MRPS11: variants seen among roughly 807,000 people sequenced by gnomAD.
The protein encoded by MRPS11 is small ribosomal subunit protein uS11m.
A neutral mutation model predicts 24.3 loss-of-function variants in MRPS11; 27 were observed. That is an observed-to-expected ratio of 1.11 (90% CI 0.82 to 1.53). The LOEUF is 1.53. MRPS11 is among the 40% of genes most tolerant of loss of function. The probability of loss-of-function intolerance (pLI) is 0.00; values close to 1 mark genes in which losing one functional copy is unlikely to be tolerated. For synonymous variants in MRPS11, 104 were observed against 98.7 expected (o/e 1.05, Z -0.32); for missense variants, 277 against 256.5 (o/e 1.08, Z -0.55).
rs368764097 is a variant in MRPS11, at chr15:88,475,259, G to C, written c.411+20G>C. ...GCGGCGGTAAGTGTGTGTTCCTTCT[G>C]CTTCCTTCTAGTGTGTGTTTGCTTT... On this transcript the variant is annotated intron_variant, in intron 4 of 5. Coordinates refer to ENST00000325844, the MANE Select transcript of MRPS11 (RefSeq NM_022839.5). This position sits in a 1 kb window ranked among gnomAD's most constrained non-coding sequence, Gnocchi z 4.1. The C allele has an allele frequency of 1.9e-6, 3 of 1,613,772 alleles. No individual in the cohort carries two copies. The highest frequency in any genetic ancestry group is 2.5e-6 in the Non-Finnish European group (3 of 1,179,978).
chr15:88,467,946 C>G lies in MRPS11; in HGVS notation c.104C>G (p.Thr35Arg), dbSNP rs774031538. 1.1e-5 allele frequency: 18 copies of G among 1,613,372 alleles called. No homozygotes were observed. The highest frequency in any genetic ancestry group is 1.4e-5 in the Non-Finnish European group (16 of 1,179,978). ...VARTPAGTIC[T>R]GARQLQDAAA... The stretch of plus-strand genomic sequence containing the variant: ...AGAACGCCGGCCGGGACCATCTGCA[C>G]AGGCGCTCGACAGCTCCAAGACGCT... Residue 35 changes from threonine to arginine, a missense_variant, in exon 2 of 6, where the codon ACA becomes AGA. By Grantham distance (71) the Thr-to-Arg change is moderately conservative. Coordinates refer to ENST00000325844, the MANE Select transcript of MRPS11 (RefSeq NM_022839.5).
rs367589996 is a variant in MRPS11, at chr15:88,477,062, A to G, written c.477+8A>G. 31 of 1,613,536 alleles carry G rather than the reference A, an allele frequency of 1.9e-5. No individual in the cohort carries two copies. The highest frequency in any genetic ancestry group is 2.5e-5 in the Non-Finnish European group (30 of 1,179,824). On this transcript the variant is annotated splice_region_variant and intron_variant, in intron 5 of 5. Coordinates refer to ENST00000325844, the MANE Select transcript of MRPS11 (RefSeq NM_022839.5). This position sits in a 1 kb window ranked among gnomAD's most constrained non-coding sequence, Gnocchi z 5.7. Reference sequence around the variant, plus strand: ...CTGGGGCCAGGACGCTTGGTAAGTTACAGTGATTTCCATAGTGTACTTGCC... The same window carrying G: ...CTGGGGCCAGGACGCTTGGTAAGTTGCAGTGATTTCCATAGTGTACTTGCC...
At chr15:88,470,099 C>T (rs992866377) in intron 2 of MRPS11, among the ~76,000 whole-genome samples, 1 of 152,102 alleles carries the variant, frequency 6.6e-6, no homozygotes, top group Non-Finnish European at 1.5e-5. Flanking sequence ...GGCGGATCAC[C>T]GGGTCAGGCA....
rs1236386798 is a variant in MRPS11, at chr15:88,480,513, A to C, written c.*2534A>C. 6.6e-6 allele frequency: 1 copy of C among 152,158 alleles called. No homozygotes were observed. Among genetic ancestry groups the C allele is most frequent in the Non-Finnish European group, 1.5e-5 (1 of 68,036 alleles). The allele number at this position is 152,158 out of a possible 1,614,324, so 9.4% of individuals were successfully genotyped here. ...GCCTGATCCACACACCATAGTTTTT[A>C]AAATGTTATTTTACTCACAAGAGGG... On this transcript the variant is annotated 3_prime_UTR_variant, in exon 6 of 6. Coordinates refer to ENST00000325844, the MANE Select transcript of MRPS11 (RefSeq NM_022839.5). The surrounding 1 kb of genome is among the most constrained non-coding windows in gnomAD (Gnocchi z 5.1).
At position 88,474,883 on chromosome 15, in the gene MRPS11, C is replaced by T. The variant is rs539006637; in HGVS notation, c.282-227C>T. On this transcript the variant is annotated intron_variant, in intron 3 of 5. Coordinates refer to ENST00000325844, the MANE Select transcript of MRPS11 (RefSeq NM_022839.5). ...CTAACTACTCTCAGATTATGGAGCGCTCTTTAAATTATGTGACTTACCAGT... is the reference window on the plus strand; with the variant it reads ...CTAACTACTCTCAGATTATGGAGCGTTCTTTAAATTATGTGACTTACCAGT... 2.1e-5 allele frequency: 10 copies of T among 467,782 alleles called. No individual in the cohort carries two copies. In the East Asian group the frequency reaches 3.3e-4, roughly 16 times the overall value. 29.0% of individuals were successfully genotyped at this position (467,782 alleles called of 1,614,324 possible).
intron 4 of MRPS11, among the ~76,000 whole-genome samples, chr15:88,476,162 T>C (rs2055818753): frequency 6.6e-6 from 1 of 152,216 alleles, no homozygotes; most frequent in South Asian, 2.1e-4. Flanking sequence ...ACACTTTACA[T>C]TCATTATCTT....
At chr15:88,474,441 C>G (rs2055778099) in intron 3 of MRPS11, among the ~76,000 whole-genome samples, 1 of 152,034 alleles carries the variant, frequency 6.6e-6, no homozygotes, top group African/African-American at 2.4e-5. Flanking sequence ...CGCCTGTAAT[C>G]CCAGCTACTC....
chr15:88,477,016 A>C lies in MRPS11; in HGVS notation c.439A>C (p.Ile147Leu), dbSNP rs2055836250. 6.2e-7 allele frequency: 1 copy of C among 1,613,960 alleles called. No homozygotes were observed. The highest frequency in any genetic ancestry group is 1.3e-5 in the African/African-American group (1 of 74,946). The change falls in exon 5 of 6, where the codon ATC (isoleucine) becomes CTC (leucine). Residue 147 changes from isoleucine to leucine, a missense_variant. By Grantham distance (5) the Ile-to-Leu change is conservative. Transcript: ENST00000325844. The surrounding 1 kb of genome is among the most constrained non-coding windows in gnomAD (Gnocchi z 5.7). The part of the protein sequence containing the change: ...ARAKQKGVIH[I>L]RVVVKGLGPG... ...AGCTAAACAAAAGGGCGTGATCCAC[A>C]TCCGAGTTGTGGTGAAAGGCCTGGG...
intron 2 of MRPS11, among the ~76,000 whole-genome samples, chr15:88,470,100 G>A (rs12102087): frequency 0.068 from 10,280 of 152,066 alleles, 1,201 homozygotes; most frequent in African/African-American, 0.23. Context: ...GCGGATCACC[G>A]GGTCAGGCAT....
chr15:88,468,085 C>T (rs901201339), intron 2 of MRPS11, 61 bp downstream of exon 2: 39 of 1,540,944 alleles, frequency 2.5e-5, no homozygotes, highest in Non-Finnish European at 3.3e-5. Context: ...GCCCGACACC[C>T]TCCAGAGTCA....
At chr15:88,468,570 G>C (rs1324844822) in intron 2 of MRPS11, 1 of 938,906 alleles carries the variant, frequency 1.1e-6, no homozygotes, top group Non-Finnish European at 1.3e-6. Flanking sequence ...ACCATGCTAG[G>C]TGCCGTGAAT....
At chr15:88,471,683 G>A (rs1410530516) in intron 2 of MRPS11, among the ~76,000 whole-genome samples, 1 of 152,092 alleles carries the variant, frequency 6.6e-6, no homozygotes, top group Non-Finnish European at 1.5e-5. Context: ...GATTTCTTAA[G>A]GCATTCTTAA....
Position 88,467,787 on chromosome 15 carries a change from C to A in MRPS11, c.65+5C>A. On this transcript the variant is annotated splice_donor_5th_base_variant and intron_variant, in intron 1 of 5. Transcript: ENST00000325844. ...GACTTGGCCCCAGACAGCCGGGTAA[C>A]AAATGACTGCCCCCTCGAGCCCACC... is the stretch of plus-strand genomic sequence containing the variant. 6.2e-7 allele frequency: 1 copy of A among 1,614,096 alleles called. No individual in the cohort carries two copies. Among genetic ancestry groups the A allele is most frequent in the South Asian group, 1.1e-5 (1 of 91,070 alleles).
intron 3 of MRPS11, among the ~76,000 whole-genome samples, chr15:88,474,750 A>G (rs1013865414): frequency 3.3e-5 from 5 of 152,168 alleles, no homozygotes; most frequent in South Asian, 2.1e-4. Flanking sequence ...TGAGTTGATA[A>G]TTGTTGAAGC....
rs538662325 is a variant in MRPS11 at position 88,469,359 on chromosome 15, G to T, written c.182+1335G>T. 1.1e-4 allele frequency among the ~76,000 whole-genome samples: 16 copies of T among 152,350 alleles called. No homozygotes were observed. The highest frequency in any genetic ancestry group is 3.6e-4 in the African/African-American group (15 of 41,582). Reference sequence around the variant, plus strand: ...CTGTTGTAGTCATTTCTTCAACAATGCCAGGCACTGTTCAGAGTGTTGGGG... The same window carrying T: ...CTGTTGTAGTCATTTCTTCAACAATTCCAGGCACTGTTCAGAGTGTTGGGG... On this transcript the variant is annotated intron_variant, in intron 2 of 5. Coordinates refer to ENST00000325844, the MANE Select transcript of MRPS11 (RefSeq NM_022839.5). The surrounding 1 kb of genome is among the most constrained non-coding windows in gnomAD (Gnocchi z 4.4).
Position 88,475,050 on chromosome 15 carries a change from GCT to G in MRPS11, c.282-53_282-52del, listed in dbSNP as rs2055791426. The stretch of plus-strand genomic sequence containing the variant: ...CCCAGGCTTCTAGGGGCATAGATTA[GCT>G]CTCTCTTATTTCCCTGAAGAAGAGT... On this transcript the variant is annotated intron_variant, in intron 3 of 5. Transcript: ENST00000325844. This position sits in a 1 kb window ranked among gnomAD's most constrained non-coding sequence, Gnocchi z 4.1. 1.9e-6 allele frequency: 3 copies of G among 1,594,622 alleles called. No homozygotes were observed. The highest frequency in any genetic ancestry group is 3.4e-5 in the Admixed American group (2 of 58,262).
At position 88,469,754 on chromosome 15, in the gene MRPS11, G is replaced by A. The variant is rs1050758486; in HGVS notation, c.182+1730G>A. On this transcript the variant is annotated intron_variant, in intron 2 of 5. Transcript: ENST00000325844. The surrounding 1 kb of genome is among the most constrained non-coding windows in gnomAD (Gnocchi z 4.4). ...AAGACTATTGAAATAATCCAGACAA[G>A]AAACAATGGTGGCTTGGACCATGGT... Among the ~76,000 whole-genome samples, 1 of 152,180 alleles carries A rather than the reference G, an allele frequency of 6.6e-6. No individual in the cohort carries two copies. The highest frequency in any genetic ancestry group is 1.5e-5 in the Non-Finnish European group (1 of 68,030).
At position 88,469,893 on chromosome 15, in the gene MRPS11, G is replaced by A. The variant is rs1316601774; in HGVS notation, c.182+1869G>A. On this transcript the variant is annotated intron_variant, in intron 2 of 5. Coordinates refer to ENST00000325844, the MANE Select transcript of MRPS11 (RefSeq NM_022839.5). This position sits in a 1 kb window ranked among gnomAD's most constrained non-coding sequence, Gnocchi z 4.4. ...CGAAGGAAGACCCCAAATTTTGTTG[G>A]CCTAAACAACTGGAAAGACGGAGTT... 6.6e-6 allele frequency among the ~76,000 whole-genome samples: 1 copy of A among 152,170 alleles called. No individual in the cohort carries two copies. The highest frequency in any genetic ancestry group is 1.5e-5 in the Non-Finnish European group (1 of 68,034).
Position 88,475,233 on chromosome 15 carries a change from A to C in MRPS11, c.405A>C (p.Ala135=). 6.2e-7 allele frequency: 1 copy of C among 1,614,148 alleles called. No individual in the cohort carries two copies. Among genetic ancestry groups the C allele is most frequent in the Non-Finnish European group, 8.5e-7 (1 of 1,179,988 alleles). Residue 135 remains alanine, a synonymous_variant, in exon 4 of 6, where the codon GCA becomes GCC. Coordinates refer to ENST00000325844, the MANE Select transcript of MRPS11 (RefSeq NM_022839.5). This position sits in a 1 kb window ranked among gnomAD's most constrained non-coding sequence, Gnocchi z 4.1. Reference sequence around the variant, plus strand: ...CAGCACAGACAGCAGGCATAGCCGCAGCGGCGGTAAGTGTGTGTTCCTTCT... The same window carrying C: ...CAGCACAGACAGCAGGCATAGCCGCCGCGGCGGTAAGTGTGTGTTCCTTCT... ...GIAAQTAGIA[A]AARAKQKGVI...
Sources: allele counts gnomAD v4.1 joint callset (sites outside exome capture counted in the v4.1 genomes callset), GRCh38; gene constraint gnomAD v4.1.1; non-coding constraint Gnocchi (gnomAD v3.1); transcripts MANE v1.5; gene names NCBI Gene and HGNC (gene_info 2026-07-23, HGNC 2026-07-21).